The following CDC14A variants were observed in gnomAD, a reference collection of about 807,000 sequenced individuals.
CDC14A encodes the protein cell division cycle 14A, also known as dual specificity protein phosphatase CDC14A.
A neutral mutation model predicts 74.4 loss-of-function variants in CDC14A; 53 were observed. That is an observed-to-expected ratio of 0.71 (90% CI 0.57 to 0.89). The LOEUF is 0.89. Ranked by LOEUF, CDC14A falls within the 40% of genes least tolerant of loss-of-function variation. The probability of loss-of-function intolerance (pLI) is 0.00; values close to 1 mark genes in which losing one functional copy is unlikely to be tolerated. For missense variants in CDC14A, 646 were observed against 713.7 expected (o/e 0.91, Z 1.08); for synonymous variants, 247 against 258.4 (o/e 0.96, Z 0.43).
At chr1:100,383,388 T>C (rs1266842238) in intron 3 of CDC14A, 1 of 152,694 alleles carries the variant, frequency 6.5e-6, no homozygotes, top group Non-Finnish European at 1.5e-5. Context: ...AGACACCTTT[T>C]TCTTTTTAAA....
chr1:100,362,186 G>T (rs554567873), intron 2 of CDC14A, among the ~76,000 whole-genome samples: 1 of 152,198 alleles, frequency 6.6e-6, no homozygotes, highest in African/African-American at 2.4e-5. Context: ...AATAGACCGT[G>T]TCTGTCCTGG....
chr1:100,520,018 A>G lies in CDC14A; in HGVS notation c.*1738A>G, dbSNP rs1484698709. 1 of 152,490 alleles carries G rather than the reference A, an allele frequency of 6.6e-6. No homozygotes were observed. The highest frequency in any genetic ancestry group is 1.5e-5 in the Non-Finnish European group (1 of 67,964). The allele number at this position is 152,490 out of a possible 1,614,324, so 9.4% of individuals were successfully genotyped here. ...TAAAGTTGACTACTGTAAATTTCCC[A>G]TAATTATGTGTGTATATGTGTCATA... On this transcript the variant is annotated 3_prime_UTR_variant, in exon 16 of 16. Transcript: ENST00000336454.
intron 2 of CDC14A, among the ~76,000 whole-genome samples, chr1:100,364,469 C>T (rs1214177595): frequency 1.4e-5 from 2 of 147,700 alleles, no homozygotes; most frequent in Admixed American, 1.3e-4. Context: ...GCCTCGGCCT[C>T]CCAAAGTGCT....
chr1:100,485,179 GT>G, intron 11 of CDC14A: 1 of 985,320 alleles, frequency 1.0e-6, no homozygotes, highest in Non-Finnish European at 1.2e-6. Flanking sequence ...AACACCATTT[GT>G]TTGGTTCCAC....
Position 100,482,548 on chromosome 1 carries a change from C to T in CDC14A, c.978-1744C>T, listed in dbSNP as rs562122725. On this transcript the variant is annotated intron_variant, in intron 10 of 15. Transcript: ENST00000336454. ...AGTAAGGGGCCTCTTTTCCTGAGGT[C>T]CTGTGCAAATCCTGATCATAGGGTT... is the stretch of plus-strand genomic sequence containing the variant. Among the ~76,000 whole-genome samples the T allele has an allele frequency of 2.9e-3, 438 of 152,120 alleles. 4 individuals carry two copies. The highest frequency in any genetic ancestry group is 0.01 in the African/African-American group (424 of 41,500).
chr1:100,422,890 TA>T (rs1466473257), intron 4 of CDC14A, among the ~76,000 whole-genome samples: 3 of 152,174 alleles, frequency 2.0e-5, no homozygotes, highest in African/African-American at 7.2e-5. Flanking sequence ...TGAAATAGCT[TA>T]AAGCTCAAAG....
At chr1:100,399,502 T>C (rs1342055509) in intron 4 of CDC14A, among the ~76,000 whole-genome samples, 1 of 152,228 alleles carries the variant, frequency 6.6e-6, no homozygotes, top group African/African-American at 2.4e-5. Context: ...AAACTTTGCA[T>C]ATTGGGTATG....
At chr1:100,399,902 A>G (rs530023048) in intron 4 of CDC14A, among the ~76,000 whole-genome samples, 1 of 152,284 alleles carries the variant, frequency 6.6e-6, no homozygotes, top group African/African-American at 2.4e-5. Context: ...TATTTGTTTC[A>G]ATAGATACAG....
intron 10 of CDC14A, among the ~76,000 whole-genome samples, chr1:100,481,965 G>A (rs553554083): frequency 2.0e-5 from 3 of 152,322 alleles, no homozygotes; most frequent in African/African-American, 2.4e-5. Flanking sequence ...AGGAATTTGC[G>A]TGAAGTGCTG....
intron 10 of CDC14A, among the ~76,000 whole-genome samples, chr1:100,476,266 A>C (rs891570890): frequency 6.6e-6 from 1 of 152,180 alleles, no homozygotes; most frequent in Non-Finnish European, 1.5e-5. Flanking sequence ...CAGCCTGATC[A>C]ATGTGGTGAA....
At chr1:100,496,553 TG>T (rs1647859596) in intron 13 of CDC14A, among the ~76,000 whole-genome samples, 3 of 152,182 alleles carry the variant, frequency 2.0e-5, no homozygotes, top group African/African-American at 7.2e-5. Context: ...TACCACGATC[TG>T]GTGTGGCACT....
At chr1:100,419,021 C>G (rs551381827) in intron 4 of CDC14A, among the ~76,000 whole-genome samples, 2 of 151,924 alleles carry the variant, frequency 1.3e-5, no homozygotes, top group Non-Finnish European at 2.9e-5. Context: ...CCTGTCTCTA[C>G]GAAAAATACA....
upstream of CDC14A, among the ~76,000 whole-genome samples, chr1:100,348,634 T>A (rs76406061): frequency 7.1e-3 from 1,081 of 152,310 alleles, 13 homozygotes; most frequent in African/African-American, 0.025. Flanking sequence ...TAAGACAATG[T>A]AGAAGAAAAT....
At chr1:100,363,076 AG>A (rs1490983977) in intron 2 of CDC14A, 1 of 152,262 alleles carries the variant, frequency 6.6e-6, no homozygotes, top group Non-Finnish European at 1.5e-5. Flanking sequence ...ACGTTTACGT[AG>A]TGGGTGGGGA....
rs77066691 is a variant in CDC14A, at chr1:100,508,770, C to T, written c.1756-9481C>T. 5.1e-4 allele frequency among the ~76,000 whole-genome samples: 78 copies of T among 152,320 alleles called. No homozygotes were observed. The highest frequency in any genetic ancestry group is 1.8e-3 in the African/African-American group (76 of 41,568). ...GGCCAGGGGCTTTCGACCTATGTAC[C>T]CACATGAATGGAACACCCAGCCACT... On this transcript the variant is annotated intron_variant, in intron 15 of 15. Transcript: ENST00000336454. The surrounding 1 kb of genome is among the most constrained non-coding windows in gnomAD (Gnocchi z 4.4).
intron 3 of CDC14A, among the ~76,000 whole-genome samples, chr1:100,388,660 G>A (rs1657208842): frequency 6.6e-6 from 1 of 152,102 alleles, no homozygotes; most frequent in Non-Finnish European, 1.5e-5. Context: ...AGGCTGTACT[G>A]CTGTGGTGTG....
chr1:100,422,570 T>G (rs1662494534), intron 4 of CDC14A, among the ~76,000 whole-genome samples: 1 of 152,214 alleles, frequency 6.6e-6, no homozygotes, highest in Non-Finnish European at 1.5e-5. Flanking sequence ...AGTGTTGGTT[T>G]AAATGGAGTT....
chr1:100,421,667 G>T lies in CDC14A; in HGVS notation c.310-2555G>T, dbSNP rs143492935. Among the ~76,000 whole-genome samples, 43 of 152,258 alleles carry T rather than the reference G, an allele frequency of 2.8e-4. No homozygotes were observed. The East Asian group carries it at 6.4e-3, about 23-fold the overall frequency. On this transcript the variant is annotated intron_variant, in intron 4 of 15. Coordinates refer to ENST00000336454, the MANE Select transcript of CDC14A (RefSeq NM_003672.4). Reference sequence around the variant, plus strand: ...GTGGAAACCTTTTTTCCAGACCTATGCTACCAACTGAGTTTATATTTTCAG... The same window carrying T: ...GTGGAAACCTTTTTTCCAGACCTATTCTACCAACTGAGTTTATATTTTCAG...
chr1:100,388,964 C>T (rs1047968281), intron 3 of CDC14A, among the ~76,000 whole-genome samples: 1 of 152,066 alleles, frequency 6.6e-6, no homozygotes, highest in African/African-American at 2.4e-5. Context: ...CACTTAAGCC[C>T]AGGAGTTCGA....
Sources: gnomAD v4.1 joint callset for allele counts (sites outside exome capture counted in the v4.1 genomes callset) on GRCh38, gnomAD v4.1.1 for gene constraint, Gnocchi (gnomAD v3.1) non-coding constraint, MANE v1.5 for transcripts, NCBI Gene and HGNC (gene_info 2026-07-23, HGNC 2026-07-21) for gene names.